Variants in CYB5RL observed in about 807,000 individuals in gnomAD.
CYB5RL encodes the protein NADH-cytochrome b5 reductase-like.
CYB5RL carries 38 observed loss-of-function variants against 37.5 expected under a neutral mutation model. The ratio of observed to expected loss-of-function variants is 1.01; its 90% CI spans 0.78 to 1.33. The LOEUF is 1.33. Among genes scored for constraint, CYB5RL ranks in the 40% most tolerant of loss-of-function variants. The probability of loss-of-function intolerance (pLI) is 0.00; values close to 1 mark genes in which losing one functional copy is unlikely to be tolerated. For synonymous variants in CYB5RL, 141 were observed against 151.9 expected (o/e 0.93, Z 0.53); for missense variants, 388 against 394.4 (o/e 0.98, Z 0.14).
chr1:54,188,266 G>A (rs773007555), intron 4 of CYB5RL, among the ~76,000 whole-genome samples: 6 of 152,214 alleles, frequency 3.9e-5, no homozygotes, highest in Non-Finnish European at 5.9e-5. Context: ...GTAAAATGGG[G>A]ACAGCTATCT....
intron 2 of CYB5RL, among the ~76,000 whole-genome samples, chr1:54,196,118 T>C (rs938171033): frequency 6.6e-6 from 1 of 152,210 alleles, no homozygotes; most frequent in African/African-American, 2.4e-5. Context: ...TCCTGATCTG[T>C]TCCTGTGCTC....
chr1:54,194,270 T>A (rs558899178), intron 3 of CYB5RL, among the ~76,000 whole-genome samples: 36 of 151,746 alleles, frequency 2.4e-4, no homozygotes, highest in Non-Finnish European at 4.4e-4. Context: ...CTTGGAAGGC[T>A]GAGGCAGGAG....
chr1:54,193,445 AAG>A (rs1295732172), intron 3 of CYB5RL, among the ~76,000 whole-genome samples: 2 of 152,198 alleles, frequency 1.3e-5, no homozygotes, highest in Admixed American at 6.5e-5. Flanking sequence ...GGGCAGTGAG[AAG>A]AAAGAAACAG....
intron 5 of CYB5RL, among the ~76,000 whole-genome samples, chr1:54,187,331 G>A (rs895763866): frequency 2.6e-5 from 4 of 152,140 alleles, no homozygotes; most frequent in South Asian, 2.1e-4. Flanking sequence ...TGCCATTTAC[G>A]GCCACTGCCA....
At position 54,171,342 on chromosome 1, in the gene CYB5RL, T is replaced by C. The variant is rs1002027670; in HGVS notation, c.*3277A>G. 6 of 456,182 alleles carry C rather than the reference T, an allele frequency of 1.3e-5. No individual in the cohort carries two copies. Among genetic ancestry groups the C allele is most frequent in the African/African-American group, 1.0e-4 (5 of 50,018 alleles). The allele number at this position is 456,182 out of a possible 1,614,324, so 28.3% of individuals were successfully genotyped here. Reference sequence around the variant, plus strand: ...GAGAGGTGGCAGAGCAGAGAGGCCCTACCCCAAGGCCACAGGGAGACAGGG... The same window carrying C: ...GAGAGGTGGCAGAGCAGAGAGGCCCCACCCCAAGGCCACAGGGAGACAGGG... On this transcript the variant is annotated 3_prime_UTR_variant, in exon 8 of 8. Transcript: ENST00000534324.
chr1:54,191,802 C>T (rs1643956718), intron 3 of CYB5RL, among the ~76,000 whole-genome samples: 1 of 152,190 alleles, frequency 6.6e-6, no homozygotes, highest in African/African-American at 2.4e-5. Flanking sequence ...ATGACCTCTT[C>T]ATCATCAGCC....
At chr1:54,195,374 T>G in intron 3 of CYB5RL, 45 bp downstream of exon 3, 1 of 1,506,720 alleles carries the variant, frequency 6.6e-7, no homozygotes, top group Non-Finnish European at 8.9e-7. Context: ...CCAAGGCAAG[T>G]AGATTGTTGC....
chr1:54,175,872 T>C (rs1660008596), intron 7 of CYB5RL, among the ~76,000 whole-genome samples: 3 of 152,164 alleles, frequency 2.0e-5, no homozygotes, highest in African/African-American at 7.2e-5. Flanking sequence ...CATCCTCAGA[T>C]TTTGCTATCT....
At chr1:54,180,776 C>T (rs994514078) in intron 6 of CYB5RL, among the ~76,000 whole-genome samples, 3 of 152,126 alleles carry the variant, frequency 2.0e-5, no homozygotes, top group African/African-American at 7.2e-5. Flanking sequence ...TCCTCAGTGT[C>T]CTCACTGGTA....
At chr1:54,179,126 GA>G in intron 7 of CYB5RL, 22 bp downstream of exon 7, 4 of 1,604,424 alleles carry the variant, frequency 2.5e-6, no homozygotes, top group Non-Finnish European at 3.4e-6. Context: ...AATCAAAAAA[GA>G]AAGTCACCAC....
chr1:54,191,434 C>A (rs537760027), intron 3 of CYB5RL, among the ~76,000 whole-genome samples: 1 of 152,310 alleles, frequency 6.6e-6, no homozygotes, highest in East Asian at 1.9e-4. Flanking sequence ...TATGTGGAAA[C>A]TGAGGCCTGA....
chr1:54,190,802 G>A lies in CYB5RL; in HGVS notation c.293C>T (p.Ala98Val), dbSNP rs1379976744. ...GCCAAGCTGGCTGTTCCCGGGTAGA[G>A]CAAACCGGACACGGTAGGTGTCCTT... is the stretch of plus-strand genomic sequence containing the variant. ...LTKDTYRVRF[A>V]LPGNSQLGLR... is the part of the protein sequence containing the mutation. The change falls in exon 4 of 8, where the codon GCT becomes GTT. Residue 98 changes from alanine to valine, a missense_variant. Physicochemically the swap from Ala to Val is moderately conservative, Grantham distance 64. Coordinates refer to ENST00000534324, the MANE Select transcript of CYB5RL (RefSeq NM_001031672.4). 2 of 1,577,084 alleles carry A rather than the reference G, an allele frequency of 1.3e-6. No homozygotes were observed.
In CYB5RL at chr1:54,169,743, T is replaced by C. The variant is rs1238040647; in HGVS notation, c.*4876A>G. ...ACATTGGGGAACTCATTGCCCAGAT[T>C]TACCAGGGGTTCATATTTTGTCATG... On this transcript the variant is annotated 3_prime_UTR_variant, in exon 8 of 8. Coordinates refer to ENST00000534324, the MANE Select transcript of CYB5RL (RefSeq NM_001031672.4). The C allele has an allele frequency of 2.6e-5, 4 of 152,228 alleles. No individual in the cohort carries two copies. The highest frequency in any genetic ancestry group is 9.6e-5 in the African/African-American group (4 of 41,460). 9.4% of individuals were successfully genotyped at this position (152,228 alleles called of 1,614,324 possible). A position where few individuals can be genotyped will look rare whatever the true frequency, so the allele number is the denominator to read the frequency against.
At chr1:54,177,363 AC>A (rs1002482424) in intron 7 of CYB5RL, among the ~76,000 whole-genome samples, 2 of 152,038 alleles carry the variant, frequency 1.3e-5, no homozygotes, top group African/African-American at 4.8e-5. Flanking sequence ...CGCTTGCCCA[AC>A]CCCAGGCCAC....
Position 54,170,824 on chromosome 1 carries a change from A to T in CYB5RL, c.*3795T>A. 1 of 311,006 alleles carries T rather than the reference A, an allele frequency of 3.2e-6. No individual in the cohort carries two copies. Among genetic ancestry groups the T allele is most frequent in the Non-Finnish European group, 6.4e-6 (1 of 156,232 alleles). 19.3% of individuals were successfully genotyped at this position (311,006 alleles called of 1,614,324 possible). ...TACATGACCTTGGAAAATCGCTTGAAGTCTCAGAAGCTTAGTTTCCTCATC... is the reference window on the plus strand; with the variant it reads ...TACATGACCTTGGAAAATCGCTTGATGTCTCAGAAGCTTAGTTTCCTCATC... On this transcript the variant is annotated 3_prime_UTR_variant, in exon 8 of 8. Coordinates refer to ENST00000534324, the MANE Select transcript of CYB5RL (RefSeq NM_001031672.4).
At position 54,190,749 on chromosome 1, in the gene CYB5RL, G is replaced by C; in HGVS notation, c.346C>G (p.Arg116Gly). The C allele has an allele frequency of 1.3e-6, 2 of 1,552,610 alleles. No individual in the cohort carries two copies. Among genetic ancestry groups the C allele is most frequent in the Non-Finnish European group, 1.7e-6 (2 of 1,147,494 alleles). ...GGTCCTCCCGCTACCTGAGTGTACC[G>C]TAGGATGAGGTGCTGGCCGGGCCGC... ...GLRPGQHLIL[R>G]GIVDDLEIQR... The change falls in exon 4 of 8, where the codon CGA becomes GGA. Residue 116 changes from arginine (R) to glycine (G), a missense_variant and splice_region_variant. Physicochemically the swap from Arg to Gly is moderately radical, Grantham distance 125. Transcript: ENST00000534324.
Position 54,179,277 on chromosome 1 carries a change from T to C in CYB5RL, c.616A>G (p.Asn206Asp). The change falls in exon 7 of 8, where the codon AAT (asparagine) becomes GAT (aspartate). Residue 206 changes from asparagine (N) to aspartate (D), a missense_variant. By Grantham distance (23) the Asn-to-Asp change is conservative. Coordinates refer to ENST00000534324, the MANE Select transcript of CYB5RL (RefSeq NM_001031672.4). ...GTGACAAAAGTCTCGTCATTCTCATTGTCTGTGATGCTCTGCAGGATAGGC... is the reference window on the plus strand; with the variant it reads ...GTGACAAAAGTCTCGTCATTCTCATCGTCTGTGATGCTCTGCAGGATAGGC... ...MVPILQSITD[N>D]ENDETFVTLV... 6.2e-7 allele frequency: 1 copy of C among 1,613,880 alleles called. No individual in the cohort carries two copies. The highest frequency in any genetic ancestry group is 1.7e-5 in the Admixed American group (1 of 60,018).
At chr1:54,179,459 C>A in intron 6 of CYB5RL, 107 bp from the exon 7 acceptor site, 1 of 1,171,528 alleles carries the variant, frequency 8.5e-7, no homozygotes, top group Admixed American at 2.2e-5. Flanking sequence ...ACGGCAGTGC[C>A]CTTCCTTGGT....
Position 54,174,760 on chromosome 1 carries a change from G to A in CYB5RL, c.807C>T (p.Gly269=), listed in dbSNP as rs751470173. ...TGACCAGCTCTTTAATTAGGTCCTG[G>A]CCCAGGTGGCCAAAGTGGGTTTTCT... ...YQEKTHFGHL[G]QDLIKELVSC... is the part of the protein sequence containing the mutation. The change falls in exon 8 of 8, where the codon GGC becomes GGT. Residue 269 remains glycine (G), a synonymous_variant. Coordinates refer to ENST00000534324, the MANE Select transcript of CYB5RL (RefSeq NM_001031672.4). 1 of 1,613,996 alleles carries A rather than the reference G, an allele frequency of 6.2e-7. No homozygotes were observed. The highest frequency in any genetic ancestry group is 8.5e-7 in the Non-Finnish European group (1 of 1,179,884).
Sources: allele counts gnomAD v4.1 joint callset (sites outside exome capture counted in the v4.1 genomes callset), GRCh38; gene constraint gnomAD v4.1.1; transcripts MANE v1.5; gene names NCBI Gene and HGNC (gene_info 2026-07-23, HGNC 2026-07-21).